Variants in NKAIN3 observed in about 807,000 individuals in gnomAD.
The protein encoded by NKAIN3 is sodium/potassium transporting ATPase interacting 3, also known as sodium/potassium-transporting ATPase subunit beta-1-interacting protein 3.
NKAIN3 carries 25 observed loss-of-function variants against 30.2 expected under a neutral mutation model. The observed-to-expected ratio is 0.83, with a 90% CI of 0.60 to 1.16. NKAIN3 has a LOEUF of 1.16. Among genes scored for constraint, NKAIN3 ranks in the 50% most tolerant of loss-of-function variants. NKAIN3 has a pLI of 0.00. For synonymous variants in NKAIN3, 91 were observed against 89.6 expected (o/e 1.02, Z -0.09); for missense variants, 225 against 254.1 (o/e 0.89, Z 0.78).
At chr8:62,581,704 CT>C (rs1326871085) in intron 2 of NKAIN3, among the ~76,000 whole-genome samples, 3 of 152,088 alleles carry the variant, frequency 2.0e-5, no homozygotes, top group African/African-American at 7.2e-5. Flanking sequence ...ACCATTCTTC[CT>C]TTTTTCCTTC....
chr8:62,401,880 C>A (rs1803885007), intron 1 of NKAIN3, among the ~76,000 whole-genome samples: 1 of 152,222 alleles, frequency 6.6e-6, no homozygotes, highest in African/African-American at 2.4e-5. Flanking sequence ...GCCAGCACAA[C>A]ACTGGGTCTC....
At chr8:62,723,603 T>C (rs933587507) in intron 3 of NKAIN3, among the ~76,000 whole-genome samples, 7 of 152,134 alleles carry the variant, frequency 4.6e-5, no homozygotes, top group African/African-American at 1.4e-4. Context: ...ATACTTATTT[T>C]TAAAAAAATT....
At chr8:62,650,341 C>A (rs1053940039) in intron 3 of NKAIN3, among the ~76,000 whole-genome samples, 2 of 152,076 alleles carry the variant, frequency 1.3e-5, no homozygotes, top group South Asian at 4.1e-4. Context: ...GGTCTTGGTG[C>A]CTATAGTCAC....
intron 5 of NKAIN3, among the ~76,000 whole-genome samples, chr8:62,946,622 T>C (rs1823132117): frequency 6.6e-6 from 1 of 152,236 alleles, no homozygotes; most frequent in Non-Finnish European, 1.5e-5. Context: ...TTTATCCTTA[T>C]GAATTTATAT....
At chr8:62,497,985 G>GTTTC (rs1178132885) in intron 1 of NKAIN3, among the ~76,000 whole-genome samples, 1 of 152,100 alleles carries the variant, frequency 6.6e-6, no homozygotes, top group East Asian at 1.9e-4. Flanking sequence ...TTGCTGCTTA[G>GTTTC]TTTCTTTCTT....
At chr8:62,817,300 T>C (rs936583190) in intron 4 of NKAIN3, among the ~76,000 whole-genome samples, 1 of 152,176 alleles carries the variant, frequency 6.6e-6, no homozygotes, top group African/African-American at 2.4e-5. Flanking sequence ...TTGAAATAAA[T>C]GTGTGTTCCA....
At chr8:62,394,682 G>A (rs1327177367) in intron 1 of NKAIN3, among the ~76,000 whole-genome samples, 2 of 151,734 alleles carry the variant, frequency 1.3e-5, no homozygotes, top group Admixed American at 6.6e-5. Flanking sequence ...GGGCAGAGGC[G>A]CTCATCACTT....
chr8:62,531,638 G>A (rs1187534349), intron 1 of NKAIN3, among the ~76,000 whole-genome samples: 1 of 152,132 alleles, frequency 6.6e-6, no homozygotes, highest in Non-Finnish European at 1.5e-5. Context: ...ATCCCCAGCC[G>A]ACTGTCTGGT....
At chr8:62,916,546 CT>C (rs1375060836) in intron 4 of NKAIN3, among the ~76,000 whole-genome samples, 1 of 152,118 alleles carries the variant, frequency 6.6e-6, no homozygotes, top group Non-Finnish European at 1.5e-5. Context: ...CACATTACGG[CT>C]TTGTTCAGTC....
chr8:62,904,781 T>C (rs1821728121), intron 4 of NKAIN3, among the ~76,000 whole-genome samples: 1 of 152,204 alleles, frequency 6.6e-6, no homozygotes, highest in Non-Finnish European at 1.5e-5. Context: ...GTGTTAGAAA[T>C]GCAAAGTTGA....
At chr8:62,401,925 G>A (rs915374001) in intron 1 of NKAIN3, among the ~76,000 whole-genome samples, 2 of 152,144 alleles carry the variant, frequency 1.3e-5, no homozygotes, top group Admixed American at 6.5e-5. Flanking sequence ...CCTGGCTATT[G>A]CCTATGTTAA....
intron 1 of NKAIN3, among the ~76,000 whole-genome samples, chr8:62,484,901 T>C (rs1806848720): frequency 1.3e-5 from 2 of 152,184 alleles, no homozygotes; most frequent in Non-Finnish European, 2.9e-5. Context: ...AGTCCAGGTG[T>C]AGGCCAGCAT....
chr8:62,796,290 A>T lies in NKAIN3; in HGVS notation c.471+49161A>T, dbSNP rs904477209. On this transcript the variant is annotated intron_variant, in intron 4 of 6. Coordinates refer to ENST00000623646, the MANE Select transcript of NKAIN3 (RefSeq NM_001304533.3). ...TCCCAGCTACTCCAGAGGTTGGGAC[A>T]GGAGAATCGCTTGAACCTGGGAGGT... is the stretch of plus-strand genomic sequence containing the variant. Among the ~76,000 whole-genome samples, 12 of 146,114 alleles carry T rather than the reference A, an allele frequency of 8.2e-5. No homozygotes were observed. The South Asian group carries it at 2.7e-3, about 33-fold the overall frequency.
At chr8:62,479,164 T>C (rs1806618641) in intron 1 of NKAIN3, among the ~76,000 whole-genome samples, 2 of 152,204 alleles carry the variant, frequency 1.3e-5, no homozygotes, top group Admixed American at 6.5e-5. Context: ...ACTTTGAGGA[T>C]TCATTCCTGG....
chr8:62,542,717 G>A (rs1203496033), intron 1 of NKAIN3, among the ~76,000 whole-genome samples: 1 of 152,146 alleles, frequency 6.6e-6, no homozygotes. Context: ...TGTTAAACAT[G>A]TTAAAAATGG....
chr8:62,366,921 T>A (rs191886713), intron 1 of NKAIN3, among the ~76,000 whole-genome samples: 95 of 152,274 alleles, frequency 6.2e-4, no homozygotes, highest in Admixed American at 2.5e-3. Context: ...AGATATTTTT[T>A]GATTTTTCTT....
In NKAIN3 at chr8:62,971,918, C is replaced by T. The variant is rs970583880; in HGVS notation, c.*6511C>T. ...AAATGAAAATAAATCAGTAGCACTA[C>T]ATCCTTCTAGGTTTCCCATAATTTT... On this transcript the variant is annotated 3_prime_UTR_variant, in exon 7 of 7. Coordinates refer to ENST00000623646, the MANE Select transcript of NKAIN3 (RefSeq NM_001304533.3). 1.3e-5 allele frequency among the ~76,000 whole-genome samples: 2 copies of T among 152,196 alleles called. No homozygotes were observed. The highest frequency in any genetic ancestry group is 2.4e-5 in the African/African-American group (1 of 41,458).
chr8:62,837,913 CAA>C (rs1489508633), intron 4 of NKAIN3, among the ~76,000 whole-genome samples: 1 of 151,924 alleles, frequency 6.6e-6, no homozygotes, highest in Non-Finnish European at 1.5e-5. Context: ...AGAGAGACTT[CAA>C]ATTTACTTGA....
intron 3 of NKAIN3, among the ~76,000 whole-genome samples, chr8:62,729,315 A>T (rs1412114770): frequency 6.6e-6 from 1 of 152,134 alleles, no homozygotes; most frequent in Non-Finnish European, 1.5e-5. Flanking sequence ...TAAAACAACA[A>T]CGTGATGCCA....
Sources: gnomAD v4.1 joint callset for allele counts (sites outside exome capture counted in the v4.1 genomes callset) on GRCh38, gnomAD v4.1.1 for gene constraint, MANE v1.5 for transcripts, NCBI Gene and HGNC (gene_info 2026-07-23, HGNC 2026-07-21) for gene names.